The following ASRGL1 variants were observed in gnomAD, a reference collection of about 807,000 sequenced individuals.
The protein encoded by ASRGL1 is isoaspartyl peptidase/L-asparaginase.
In ASRGL1, 16 loss-of-function variants were observed where a neutral mutation model predicts 22.4. The ratio of observed to expected loss-of-function variants is 0.71; its 90% CI spans 0.48 to 1.08. The LOEUF is 1.08. Ranked by LOEUF, ASRGL1 falls within the 50% of genes least tolerant of loss-of-function variation. The pLI is 0.00. For missense variants in ASRGL1, 412 were observed against 410.1 expected, an observed-to-expected ratio of 1.00 and a Z score of -0.04; for synonymous variants, 165 against 159.3, an observed-to-expected ratio of 1.04 and a Z score of -0.27.
chr11:62,348,441 C>A (rs575343704), intron 2 of ASRGL1, among the ~76,000 whole-genome samples: 1 of 152,092 alleles, frequency 6.6e-6, no homozygotes, highest in Admixed American at 6.5e-5. Context: ...TGGTGACTCA[C>A]GCCTGTAATC....
At chr11:62,385,500 G>A (rs2134692580) in intron 4 of ASRGL1, among the ~76,000 whole-genome samples, 1 of 152,268 alleles carries the variant, frequency 6.6e-6, no homozygotes, top group Middle Eastern at 3.4e-3. Flanking sequence ...ATGTTCTGCT[G>A]TAAATAAAAT....
chr11:62,372,788 C>G (rs575083165), intron 4 of ASRGL1: 1 of 1,576,944 alleles, frequency 6.3e-7, no homozygotes, highest in African/African-American at 1.3e-5. Flanking sequence ...CTGGTTACAC[C>G]TGCTCCTTTG....
At chr11:62,362,809 G>GACAGACACACAC (rs1257030349) in intron 4 of ASRGL1, among the ~76,000 whole-genome samples, 1 of 6,966 alleles carries the variant, frequency 1.4e-4, no homozygotes, top group Non-Finnish European at 3.5e-4. Context: ...TTGCTTATCT[G>GACAGACACACAC]ACATACACAC....
intron 2 of ASRGL1, 131 bp downstream of exon 2, chr11:62,338,298 A>C: frequency 9.8e-7 from 1 of 1,016,772 alleles, no homozygotes; most frequent in Non-Finnish European, 1.4e-6. Context: ...AAAAGAAACA[A>C]TATTTAATTT....
downstream of ASRGL1, among the ~76,000 whole-genome samples, chr11:62,395,916 C>T (rs1437475262): frequency 1.3e-5 from 2 of 151,690 alleles, no homozygotes; most frequent in African/African-American, 2.4e-5. Flanking sequence ...GGATTACAGG[C>T]GCCCGCCACC....
intron 4 of ASRGL1, chr11:62,372,280 T>C (rs1428783549): frequency 4.1e-5 from 66 of 1,601,624 alleles, no homozygotes; most frequent in Non-Finnish European, 4.7e-5. Context: ...GGCTCCGTGT[T>C]TGCGTTTGGG....
chr11:62,390,908 C>T (rs907027577), intron 5 of ASRGL1, among the ~76,000 whole-genome samples: 1 of 152,186 alleles, frequency 6.6e-6, no homozygotes, highest in Admixed American at 6.5e-5. Flanking sequence ...TGAACAGATA[C>T]AAGAATGACT....
chr11:62,355,552 C>T (rs2134602859), intron 2 of ASRGL1, among the ~76,000 whole-genome samples: 1 of 152,114 alleles, frequency 6.6e-6, no homozygotes, highest in South Asian at 2.1e-4. Context: ...AAAAATGTTC[C>T]TCTGGCAATG....
the ASRGL1 span, among the ~76,000 whole-genome samples, chr11:62,399,806 G>T: frequency 6.6e-6 from 1 of 152,192 alleles, no homozygotes; most frequent in Non-Finnish European, 1.5e-5. Context: ...TAAGCTGCAG[G>T]CCATTTGGTG....
At chr11:62,371,561 A>T (rs1381200008) in intron 4 of ASRGL1, 2 of 702,622 alleles carry the variant, frequency 2.8e-6, no homozygotes, top group African/African-American at 3.5e-5. Flanking sequence ...CCAGGGACAC[A>T]ATACACTGCG....
rs1470122968 is a variant in ASRGL1, at chr11:62,357,128, A to G, written c.475A>G (p.Lys159Glu). 2.5e-6 allele frequency: 4 copies of G among 1,613,390 alleles called. No individual in the cohort carries two copies. The highest frequency in any genetic ancestry group is 1.1e-5 in the South Asian group (1 of 91,056). The change falls in exon 4 of 7, where the codon AAA (lysine) becomes GAA (glutamate). Residue 159 changes from lysine (K) to glutamate (E), a missense_variant. By Grantham distance (56) the Lys-to-Glu change is moderately conservative. Coordinates refer to ENST00000415229, the MANE Select transcript of ASRGL1 (RefSeq NM_001083926.2). ...EKEKHEKGAQKTDCQKNLGTV... is the reference protein window; with the variant it reads ...EKEKHEKGAQETDCQKNLGTV... Reference sequence around the variant, plus strand: ...AGAGAAGCATGAAAAAGGTGCTCAGAAAACAGATTGTCAAAAGTAAGTCTT... The same window carrying G: ...AGAGAAGCATGAAAAAGGTGCTCAGGAAACAGATTGTCAAAAGTAAGTCTT...
At chr11:62,386,478 G>A (rs986221644) in intron 4 of ASRGL1, among the ~76,000 whole-genome samples, 2 of 149,174 alleles carry the variant, frequency 1.3e-5, no homozygotes, top group Admixed American at 6.6e-5. Context: ...TCATAGATAT[G>A]TACATATATA....
chr11:62,357,075 CAGAG>C lies in ASRGL1; in HGVS notation c.426_429del (p.Arg143ThrfsTer37), dbSNP rs1160818050. 1 of 1,613,964 alleles carries C rather than the reference CAGAG, an allele frequency of 6.2e-7. No homozygotes were observed. Among genetic ancestry groups the C allele is most frequent in the South Asian group, 1.1e-5 (1 of 91,074 alleles). The stretch of plus-strand genomic sequence containing the variant: ...GAGATTCCTGGAGAAAAACTGGTGA[CAGAG>C]AGAAACAAAAAGCGCCTGGAAAAAG... On this transcript the variant is annotated frameshift_variant, in exon 4 of 7. Coordinates refer to ENST00000415229, the MANE Select transcript of ASRGL1 (RefSeq NM_001083926.2). LOFTEE classifies it high-confidence loss of function.
chr11:62,361,240 C>T (rs1020857352), intron 4 of ASRGL1, among the ~76,000 whole-genome samples: 3 of 151,940 alleles, frequency 2.0e-5, no homozygotes, highest in Admixed American at 6.6e-5. Context: ...CACCCAGGCT[C>T]GAGTGCAGTG....
chr11:62,340,057 T>C (rs1277210565), intron 2 of ASRGL1, among the ~76,000 whole-genome samples: 4 of 150,282 alleles, frequency 2.7e-5, no homozygotes, highest in African/African-American at 9.8e-5. Flanking sequence ...AGCTCAGGAG[T>C]TCAATGCCAG....
At chr11:62,379,180 G>A (rs1037592679) in intron 4 of ASRGL1, among the ~76,000 whole-genome samples, 8 of 152,166 alleles carry the variant, frequency 5.3e-5, no homozygotes, top group Non-Finnish European at 7.3e-5. Context: ...ATAGTACTTT[G>A]ATACACTTCT....
At chr11:62,400,517 G>T in the ASRGL1 span, among the ~76,000 whole-genome samples, 1 of 152,118 alleles carries the variant, frequency 6.6e-6, no homozygotes, top group Non-Finnish European at 1.5e-5. Flanking sequence ...GCAGGGGCGC[G>T]GCTATTTCTG....
intron 2 of ASRGL1, among the ~76,000 whole-genome samples, chr11:62,346,786 A>T (rs1946034923): frequency 6.6e-6 from 1 of 150,438 alleles, no homozygotes; most frequent in African/African-American, 2.4e-5. Flanking sequence ...CCTGAGCAAC[A>T]TGGTGAAACC....
chr11:62,357,459 G>A (rs1163117822), intron 4 of ASRGL1, among the ~76,000 whole-genome samples: 11 of 134,394 alleles, frequency 8.2e-5, no homozygotes, highest in South Asian at 2.3e-4. Context: ...GCGGGGTTTC[G>A]CCGTGTTGGC....
Sources: gnomAD v4.1 joint callset for allele counts (sites outside exome capture counted in the v4.1 genomes callset) on GRCh38, gnomAD v4.1.1 for gene constraint, MANE v1.5 for transcripts, NCBI Gene and HGNC (gene_info 2026-07-23, HGNC 2026-07-21) for gene names.